CDH13: variants seen among roughly 807,000 people sequenced by gnomAD.
The protein encoded by CDH13 is cadherin-13.
In CDH13, 24 loss-of-function variants were observed where a neutral mutation model predicts 63.8. The ratio of observed to expected loss-of-function variants is 0.38; its 90% CI spans 0.27 to 0.53. The LOEUF is 0.53. Among genes scored for constraint, CDH13 ranks in the 20% least tolerant of loss-of-function variants. The probability of loss-of-function intolerance (pLI) is 0.85; values close to 1 mark genes in which losing one functional copy is unlikely to be tolerated. For missense variants in CDH13, 1,049 were observed against 903.1 expected (o/e 1.16, Z -2.07); for synonymous variants, 503 against 355.3 (o/e 1.42, Z -4.67).
chr16:83,678,331 G>C lies in CDH13; in HGVS notation c.1408G>C (p.Asp470His). The part of the protein sequence containing the change: ...STATVHITVL[D>H]VNEGPVFYPD... ...AGCCACCGTCCACATCACTGTCCTG[G>C]ATGTCAACGAGGGCCCAGTCTTCTA... The change falls in exon 10 of 14, where the codon GAT (aspartate) becomes CAT (histidine). Residue 470 changes from aspartate to histidine, a missense_variant. Physicochemically the swap from Asp to His is moderately conservative, Grantham distance 81. Coordinates refer to ENST00000567109, the MANE Select transcript of CDH13 (RefSeq NM_001257.5). 1 of 1,613,954 alleles carries C rather than the reference G, an allele frequency of 6.2e-7. No homozygotes were observed.
intron 7 of CDH13, among the ~76,000 whole-genome samples, chr16:83,538,435 G>A (rs1001365156): frequency 9.9e-5 from 15 of 152,070 alleles, no homozygotes; most frequent in South Asian, 6.2e-4. Flanking sequence ...TAGTGGAGGC[G>A]GAAAAAATGC....
intron 7 of CDH13, among the ~76,000 whole-genome samples, chr16:83,543,845 G>A (rs545253473): frequency 1.6e-4 from 24 of 152,308 alleles, no homozygotes; most frequent in Middle Eastern, 3.4e-3. Context: ...TAGTGCCAGC[G>A]TAGATAAACC....
chr16:83,225,834 C>T (rs1426787988), intron 5 of CDH13, among the ~76,000 whole-genome samples: 2 of 152,172 alleles, frequency 1.3e-5, no homozygotes, highest in Admixed American at 1.3e-4. Flanking sequence ...TATAACTTGT[C>T]TGTACCCCAG....
intron 5 of CDH13, among the ~76,000 whole-genome samples, chr16:83,247,083 C>G (rs1056372977): frequency 6.6e-6 from 1 of 152,188 alleles, no homozygotes; most frequent in African/African-American, 2.4e-5. Flanking sequence ...AAGTACCTAC[C>G]TCTAAACAGG....
chr16:82,836,072 T>C (rs1302305590), intron 1 of CDH13, among the ~76,000 whole-genome samples: 3 of 152,222 alleles, frequency 2.0e-5, no homozygotes, highest in Non-Finnish European at 2.9e-5. Context: ...TTCAGGGCCC[T>C]AAGTGTGAAT....
At chr16:82,662,050 C>G (rs1294890062) in intron 1 of CDH13, among the ~76,000 whole-genome samples, 3 of 152,224 alleles carry the variant, frequency 2.0e-5, no homozygotes, top group Non-Finnish European at 4.4e-5. Context: ...GACATCCCCG[C>G]CATCACAGAG....
At position 83,197,270 on chromosome 16, in the gene CDH13, G is replaced by A. The variant is rs575654008; in HGVS notation, c.484-20075G>A. Among the ~76,000 whole-genome samples the A allele has an allele frequency of 1.2e-3, 168 of 138,544 alleles. No individual in the cohort carries two copies. The Middle Eastern group carries it at 0.014, about 12-fold the overall frequency. The allele number at this position is 138,544 out of a possible 152,430, so 90.9% of individuals were successfully genotyped here. On this transcript the variant is annotated intron_variant, in intron 4 of 13. Transcript: ENST00000567109. Reference sequence around the variant, plus strand: ...TTTTAATGTTTGTGGGTGTATCATAGGTATATATATATATATATATGCATG... The same window carrying A: ...TTTTAATGTTTGTGGGTGTATCATAAGTATATATATATATATATATGCATG...
At chr16:83,295,695 A>G (rs2089575722) in intron 5 of CDH13, among the ~76,000 whole-genome samples, 1 of 152,194 alleles carries the variant, frequency 6.6e-6, no homozygotes, top group Non-Finnish European at 1.5e-5. Flanking sequence ...GGATGTGGAG[A>G]AATGAGGAAC....
At chr16:83,716,495 A>T (rs778948109) in intron 10 of CDH13, among the ~76,000 whole-genome samples, 1 of 151,828 alleles carries the variant, frequency 6.6e-6, no homozygotes, top group African/African-American at 2.4e-5. Context: ...GGCTTTTTTT[A>T]TGTCTTGAGT....
intron 5 of CDH13, among the ~76,000 whole-genome samples, chr16:83,249,086 C>T (rs1052159967): frequency 6.6e-6 from 1 of 152,210 alleles, no homozygotes; most frequent in Non-Finnish European, 1.5e-5. Context: ...AGCAGTACTA[C>T]TAAAACACAA....
chr16:83,685,936 G>T (rs113432893), intron 10 of CDH13, among the ~76,000 whole-genome samples: 3,336 of 152,196 alleles, frequency 0.022, 134 homozygotes, highest in African/African-American at 0.077. Context: ...GTAATAATAT[G>T]GCTACTAGGA....
At chr16:82,734,250 T>G (rs1445973584) in intron 1 of CDH13, among the ~76,000 whole-genome samples, 3 of 152,200 alleles carry the variant, frequency 2.0e-5, no homozygotes, top group Non-Finnish European at 4.4e-5. Flanking sequence ...TGTTTTTGTG[T>G]TCAAATGGCA....
intron 1 of CDH13, among the ~76,000 whole-genome samples, chr16:82,854,933 A>C (rs2039629235): frequency 6.6e-6 from 1 of 152,180 alleles, no homozygotes; most frequent in African/African-American, 2.4e-5. Flanking sequence ...TGTGTAGCAA[A>C]GTCCTCACTG....
intron 1 of CDH13, among the ~76,000 whole-genome samples, chr16:82,819,831 A>G (rs987644161): frequency 6.6e-6 from 1 of 152,244 alleles, no homozygotes; most frequent in Non-Finnish European, 1.5e-5. Context: ...ACATTCTAGC[A>G]GAAGAGACAA....
At chr16:82,760,179 G>A (rs2034777899) in intron 1 of CDH13, among the ~76,000 whole-genome samples, 1 of 152,102 alleles carries the variant, frequency 6.6e-6, no homozygotes, top group Non-Finnish European at 1.5e-5. Flanking sequence ...TCCACACATA[G>A]GCATATCTGT....
chr16:83,342,232 C>G (rs754926720), intron 5 of CDH13, among the ~76,000 whole-genome samples: 2 of 152,102 alleles, frequency 1.3e-5, no homozygotes, highest in Non-Finnish European at 2.9e-5. Context: ...GTGAAGCTTT[C>G]GTATTCAAAC....
chr16:83,279,650 C>A (rs557601991), intron 5 of CDH13, among the ~76,000 whole-genome samples: 1 of 152,148 alleles, frequency 6.6e-6, no homozygotes, highest in African/African-American at 2.4e-5. Context: ...GGCTATACAT[C>A]TGGGAAAAAC....
chr16:83,125,508 C>G lies in CDH13; in HGVS notation c.483+7C>G. 1 of 1,411,866 alleles carries G rather than the reference C, an allele frequency of 7.1e-7. No individual in the cohort carries two copies. Among genetic ancestry groups the G allele is most frequent in the South Asian group, 1.2e-5 (1 of 86,554 alleles). 87.5% of individuals were successfully genotyped at this position (1,411,866 alleles called of 1,614,324 possible). On this transcript the variant is annotated splice_region_variant and intron_variant, in intron 4 of 13. Coordinates refer to ENST00000567109, the MANE Select transcript of CDH13 (RefSeq NM_001257.5). ...CCCAAGAGATGTTGGCAAGGTAAGT[C>G]AGACAAACAGCAAATGACAAAAACA...
Position 83,602,382 on chromosome 16 carries a change from C to T in CDH13, c.961-72C>T, listed in dbSNP as rs151197808. The T allele has an allele frequency of 1.5e-3, 2,266 of 1,505,818 alleles. 6 individuals carry two copies. The highest frequency in any genetic ancestry group is 2.0e-3 in the Non-Finnish European group (2,167 of 1,081,686). 93.3% of individuals were successfully genotyped at this position (1,505,818 alleles called of 1,614,324 possible). ...AGGGGGAGAGACAGCTCCAGCAACACGCCTGCCACCTTTCCAAAGCAGTAA... is the reference window on the plus strand; with the variant it reads ...AGGGGGAGAGACAGCTCCAGCAACATGCCTGCCACCTTTCCAAAGCAGTAA... On this transcript the variant is annotated intron_variant, in intron 7 of 13. Coordinates refer to ENST00000567109, the MANE Select transcript of CDH13 (RefSeq NM_001257.5).
Sources: allele counts gnomAD v4.1 joint callset (sites outside exome capture counted in the v4.1 genomes callset), GRCh38; gene constraint gnomAD v4.1.1; transcripts MANE v1.5; gene names NCBI Gene and HGNC (gene_info 2026-07-23, HGNC 2026-07-21).